Variants in ATP7A observed in about 807,000 individuals in gnomAD.
ATP7A encodes copper-transporting ATPase 1.
ATP7A carries 7 observed loss-of-function variants against 83.5 expected under a neutral mutation model. The ratio of observed to expected loss-of-function variants is 0.08; its 90% CI spans 0.05 to 0.16. The LOEUF is 0.16. ATP7A is among the 10% of genes least tolerant of loss of function. The pLI is 1.00. For missense variants in ATP7A, 940 were observed against 1,120.8 expected, an observed-to-expected ratio of 0.84 and a Z score of 2.30; for synonymous variants, 354 against 395.2, an observed-to-expected ratio of 0.90 and a Z score of 1.24.
intron 2 of ATP7A, among the ~76,000 whole-genome samples, chrX:77,976,298 G>A (rs1557230287): frequency 8.9e-6 from 1 of 112,217 alleles, no homozygotes; most frequent in East Asian, 2.8e-4. Context: ...ACTTGTGAGA[G>A]CTCTACTTTT....
In ATP7A at chrX:78,003,021, C is replaced by G. The variant is rs1603383786; in HGVS notation, c.1544-52C>G. 8 of 1,087,787 alleles carry G rather than the reference C, an allele frequency of 7.4e-6. No individual in the cohort carries two copies. In the East Asian group the frequency reaches 2.1e-4, roughly 29 times the overall value. The allele number at this position is 1,087,787 out of a possible 1,213,427, so 89.6% of individuals were successfully genotyped here. ...ATACTAAGAAGTAATTATAACATTACTCTTTTTAAAAAGAATGTTATCTGT... is the reference window on the plus strand; with the variant it reads ...ATACTAAGAAGTAATTATAACATTAGTCTTTTTAAAAAGAATGTTATCTGT... On this transcript the variant is annotated intron_variant, in intron 5 of 22. Coordinates refer to ENST00000341514, the MANE Select transcript of ATP7A (RefSeq NM_000052.7).
chrX:77,963,354 C>T (rs930458664), intron 1 of ATP7A: 2 of 112,006 alleles, frequency 1.8e-5, no homozygotes, highest in Admixed American at 9.5e-5. Flanking sequence ...TTCGATATCC[C>T]CAGCACCTAA....
chrX:77,938,411 G>A (rs975483134), intron 1 of ATP7A, among the ~76,000 whole-genome samples: 1 of 112,557 alleles, frequency 8.9e-6, no homozygotes, highest in South Asian at 3.6e-4. Flanking sequence ...AAGTGTAATA[G>A]GGAACAAGAT....
At chrX:78,026,284 CT>C (rs1414860770) in intron 14 of ATP7A, among the ~76,000 whole-genome samples, 2 of 111,667 alleles carry the variant, frequency 1.8e-5, no homozygotes, top group East Asian at 5.6e-4. Flanking sequence ...GGTTGCTATT[CT>C]TGTATTACAT....
At chrX:78,014,200 G>C (rs1369274716) in intron 10 of ATP7A, among the ~76,000 whole-genome samples, 1 of 110,109 alleles carries the variant, frequency 9.1e-6, no homozygotes, top group Non-Finnish European at 1.9e-5. Context: ...GAGGTCAGGA[G>C]TTTGAGACCG....
In ATP7A at chrX:78,014,746, C is replaced by T; in HGVS notation, c.2491C>T (p.Leu831Phe). 1 of 1,191,133 alleles carries T rather than the reference C, an allele frequency of 8.4e-7. No homozygotes were observed. Among genetic ancestry groups the T allele is most frequent in the Non-Finnish European group, 1.1e-6 (1 of 878,468 alleles). The change falls in exon 11 of 23, where the codon CTC becomes TTC. Residue 831 changes from leucine to phenylalanine, a missense_variant. Physicochemically the swap from Leu to Phe is conservative, Grantham distance 22. Coordinates refer to ENST00000341514, the MANE Select transcript of ATP7A (RefSeq NM_000052.7). ...TGTAACTCTTGATTCTGATAATATC[C>T]TCCTCAGGTATTTATCTTCACTCTT... The part of the protein sequence containing the change: ...TIVTLDSDNI[L>F]LSEEQVDVEL...
intron 1 of ATP7A, among the ~76,000 whole-genome samples, chrX:77,914,868 A>G (rs1279063115): frequency 8.9e-6 from 1 of 112,099 alleles, no homozygotes; most frequent in Non-Finnish European, 1.9e-5. Flanking sequence ...GGCTGGAGTG[A>G]AATGGTCTAT....
In ATP7A at chrX:78,040,751, G is replaced by A. The variant is rs2078042284; in HGVS notation, c.3801+18G>A. The stretch of plus-strand genomic sequence containing the variant: ...CTTCTCAGGTAATTGATAGGGGTAT[G>A]TGATAACTTCTAATTATTGATATAC... On this transcript the variant is annotated intron_variant, in intron 19 of 22. Coordinates refer to ENST00000341514, the MANE Select transcript of ATP7A (RefSeq NM_000052.7). 2.5e-6 allele frequency: 3 copies of A among 1,201,643 alleles called. No homozygotes were observed. In the South Asian group the frequency reaches 5.3e-5, roughly 21 times the overall value.
intron 1 of ATP7A, chrX:77,963,202 G>C (rs1329578023): frequency 8.4e-6 from 1 of 119,675 alleles, no homozygotes; most frequent in Non-Finnish European, 1.7e-5. Flanking sequence ...AGCAAACTAA[G>C]TGGACCATTA....
chrX:77,954,288 C>T (rs1231428824), intron 1 of ATP7A, among the ~76,000 whole-genome samples: 1 of 111,417 alleles, frequency 9.0e-6, no homozygotes, highest in Non-Finnish European at 1.9e-5. Flanking sequence ...GGATTGCAGG[C>T]GTGTGCCACC....
chrX:77,955,219 A>G (rs926364468), intron 1 of ATP7A, among the ~76,000 whole-genome samples: 5 of 111,904 alleles, frequency 4.5e-5, no homozygotes, highest in Non-Finnish European at 9.4e-5. Context: ...AAAACAATGT[A>G]TAACATTGTT....
intron 21 of ATP7A, among the ~76,000 whole-genome samples, chrX:78,044,255 CAAA>C (rs782578875): frequency 1.6e-5 from 1 of 61,763 alleles, no homozygotes; most frequent in Admixed American, 2.3e-4. Flanking sequence ...ACTCCGTCTC[CAAA>C]AAAAAAAAAA....
At chrX:77,998,116 T>C (rs1401502988) in intron 4 of ATP7A, among the ~76,000 whole-genome samples, 1 of 111,717 alleles carries the variant, frequency 9.0e-6, no homozygotes, top group African/African-American at 3.2e-5. Flanking sequence ...ATACTGTGAA[T>C]TGCTTTGATG....
Position 78,029,329 on chromosome X carries a change from C to T in ATP7A, c.2996C>T (p.Ala999Val). 8.3e-7 allele frequency: 1 copy of T among 1,210,794 alleles called. No homozygotes were observed. The highest frequency in any genetic ancestry group is 1.1e-6 in the Non-Finnish European group (1 of 894,625). ...GCCTCTATCACAGTTCTGTGTATTG[C>T]ATGTCCCTGTTCACTGGGACTGGCC... ...FQASITVLCI[A>V]CPCSLGLATP... The change falls in exon 15 of 23, where the codon GCA (alanine) becomes GTA (valine). Residue 999 changes from alanine (A) to valine (V), a missense_variant. Ala to Val is a moderately conservative substitution (Grantham distance 64). Coordinates refer to ENST00000341514, the MANE Select transcript of ATP7A (RefSeq NM_000052.7).
intron 7 of ATP7A, among the ~76,000 whole-genome samples, chrX:78,010,183 A>G (rs782671754): frequency 7.1e-5 from 8 of 112,428 alleles, no homozygotes; most frequent in Non-Finnish European, 1.3e-4. Flanking sequence ...CAAAGCTTCA[A>G]CCCTTAATTC....
At chrX:77,977,043 A>C (rs2077580401) in intron 2 of ATP7A, among the ~76,000 whole-genome samples, 2 of 111,942 alleles carry the variant, frequency 1.8e-5, no homozygotes, top group Non-Finnish European at 3.8e-5. Context: ...TAATTATTTT[A>C]CGTATTTATC....
intron 7 of ATP7A, among the ~76,000 whole-genome samples, chrX:78,010,654 A>AT (rs1557234324): frequency 5.6e-5 from 5 of 89,533 alleles, no homozygotes; most frequent in African/African-American, 2.2e-4. Flanking sequence ...ATCTCAGCTC[A>AT]CTGCAACCTC....
chrX:78,002,543 A>C (rs2077747028), intron 5 of ATP7A, among the ~76,000 whole-genome samples: 1 of 111,639 alleles, frequency 9.0e-6, no homozygotes, highest in Admixed American at 9.6e-5. Context: ...TAAAAATGTG[A>C]ATACTGCCTG....
intron 5 of ATP7A, among the ~76,000 whole-genome samples, chrX:78,000,009 T>G (rs1557232981): frequency 9.0e-6 from 1 of 110,941 alleles, no homozygotes; most frequent in African/African-American, 3.3e-5. Context: ...ATGATACATA[T>G]GGTTAGTCAC....
Sources: allele counts gnomAD v4.1 joint callset (sites outside exome capture counted in the v4.1 genomes callset), GRCh38; gene constraint gnomAD v4.1.1; transcripts MANE v1.5; gene names NCBI Gene and HGNC (gene_info 2026-07-23, HGNC 2026-07-21).